The following FAM163B variants were observed in gnomAD, a reference collection of about 807,000 sequenced individuals.
The protein encoded by FAM163B is protein FAM163B.
FAM163B carries 4 observed loss-of-function variants against 7.6 expected under a neutral mutation model. That is an observed-to-expected ratio of 0.52 (90% CI 0.26 to 1.20). FAM163B has a LOEUF of 1.20. FAM163B is among the 50% of genes most tolerant of loss of function. The probability of loss-of-function intolerance (pLI) is 0.14; values close to 1 mark genes in which losing one functional copy is unlikely to be tolerated. For synonymous variants in FAM163B, 120 were observed against 111.6 expected (o/e 1.07, Z -0.47); for missense variants, 250 against 243.0 (o/e 1.03, Z -0.19).
chr9:133,600,110 T>C lies in FAM163B; in HGVS notation c.-24+8967A>G, dbSNP rs1831697749. Among the ~76,000 whole-genome samples, 1 of 150,074 alleles carries C rather than the reference T, an allele frequency of 6.7e-6. No homozygotes were observed. Among genetic ancestry groups the C allele is most frequent in the Non-Finnish European group, 1.5e-5 (1 of 67,626 alleles). On this transcript the variant is annotated intron_variant, in intron 1 of 2. Transcript: ENST00000673969. The surrounding 1 kb of genome is among the most constrained non-coding windows in gnomAD (Gnocchi z 4.9). ...GTGCATGTGTGCCTCTGAATGTGTG[T>C]GGTCTATGTGTATGTGTGTCTGTGT...
intron 1 of FAM163B, among the ~76,000 whole-genome samples, chr9:133,605,081 G>A (rs1831773600): frequency 6.6e-6 from 1 of 152,186 alleles, no homozygotes; most frequent in Admixed American, 6.5e-5. Context: ...GGTGCAGACC[G>A]AGGCCTGTGG....
intron 1 of FAM163B, among the ~76,000 whole-genome samples, chr9:133,588,349 C>T (rs1272655183): frequency 2.6e-5 from 4 of 152,166 alleles, no homozygotes; most frequent in East Asian, 1.9e-4. Context: ...AAGGCTACCA[C>T]GCTACTTAAG....
chr9:133,588,697 C>CTGCAGGATCTAGCTTTT (rs1831489446), intron 1 of FAM163B, among the ~76,000 whole-genome samples: 2 of 11,286 alleles, frequency 1.8e-4, no homozygotes, highest in Non-Finnish European at 4.4e-4. Context: ...ATCTAGCATG[C>CTGCAGGATCTAGCTTTT]TGAGGGATCT....
Position 133,601,800 on chromosome 9 carries a change from G to A in FAM163B, c.-24+7277C>T, listed in dbSNP as rs1831733228. On this transcript the variant is annotated intron_variant, in intron 1 of 2. Coordinates refer to ENST00000673969, the MANE Select transcript of FAM163B (RefSeq NM_001080515.3). This position sits in a 1 kb window ranked among gnomAD's most constrained non-coding sequence, Gnocchi z 4.1. ...AGCCATCTGACCACCATGGCGTCAG[G>A]GCGCGTCTCAGAAGGCTTGACTAAA... Among the ~76,000 whole-genome samples, 1 of 152,218 alleles carries A rather than the reference G, an allele frequency of 6.6e-6. No individual in the cohort carries two copies. The highest frequency in any genetic ancestry group is 1.5e-5 in the Non-Finnish European group (1 of 68,038).
Position 133,577,491 on chromosome 9 carries a change from A to T in FAM163B, c.*1531T>A, listed in dbSNP as rs934519282. Reference sequence around the variant, plus strand: ...TGTGACTTCGTCAGCCGTTCCCCCGACGCCTCTGGAAACTGGCCATTTCGT... The same window carrying T: ...TGTGACTTCGTCAGCCGTTCCCCCGTCGCCTCTGGAAACTGGCCATTTCGT... On this transcript the variant is annotated 3_prime_UTR_variant, in exon 3 of 3. Transcript: ENST00000673969. Among the ~76,000 whole-genome samples, 21 of 152,224 alleles carry T rather than the reference A, an allele frequency of 1.4e-4. No individual in the cohort carries two copies. The highest frequency in any genetic ancestry group is 5.1e-4 in the African/African-American group (21 of 41,468).
intron 1 of FAM163B, among the ~76,000 whole-genome samples, chr9:133,605,249 T>C (rs1564198813): frequency 6.6e-6 from 1 of 152,148 alleles, no homozygotes; most frequent in African/African-American, 2.4e-5. Context: ...TGATTGCCAT[T>C]TTATGAATGA....
chr9:133,579,358 C>A lies in FAM163B; in HGVS notation c.165G>T (p.Leu55=), dbSNP rs1448524136. ...GGTTGCGGTTGGAGTGCAGCGGGGG[C>A]AGGTGCGAGTGAACGGCGAAGTCTG... ...EEPDFAVHSH[L]PPLHSNRNLV... Residue 55 remains leucine, a synonymous_variant, in exon 3 of 3, where the codon CTG becomes CTT. Transcript: ENST00000673969. 2 of 1,612,960 alleles carry A rather than the reference C, an allele frequency of 1.2e-6. No individual in the cohort carries two copies. Among genetic ancestry groups the A allele is most frequent in the Non-Finnish European group, 8.5e-7 (1 of 1,179,750 alleles).
In FAM163B at chr9:133,579,077, A is replaced by G; in HGVS notation, c.446T>C (p.Leu149Pro). 6.3e-7 allele frequency: 1 copy of G among 1,593,152 alleles called. No homozygotes were observed. Among genetic ancestry groups the G allele is most frequent in the Non-Finnish European group, 8.5e-7 (1 of 1,172,326 alleles). The change falls in exon 3 of 3, where the codon CTC becomes CCC. Residue 149 changes from leucine to proline, a missense_variant. Coordinates refer to ENST00000673969, the MANE Select transcript of FAM163B (RefSeq NM_001080515.3). ...GGCGAAGGCCTCCCGCATGGCTGAG[A>G]GGCGGTTGGGGTTGAGCGCCTGCAG... ...GGLQALNPNRLSAMREAFARS... is the reference protein window; with the variant it reads ...GGLQALNPNRPSAMREAFARS...
chr9:133,597,235 T>C lies in FAM163B; in HGVS notation c.-24+11842A>G, dbSNP rs181720760. ...AAATAGTTATTAACTGTAGCTTATA[T>C]GTTCAAAACACCAGAGGAAAACTTG... On this transcript the variant is annotated intron_variant, in intron 1 of 2. Coordinates refer to ENST00000673969, the MANE Select transcript of FAM163B (RefSeq NM_001080515.3). Among the ~76,000 whole-genome samples the C allele has an allele frequency of 5.9e-5, 9 of 152,330 alleles. No homozygotes were observed. In the East Asian group the frequency reaches 1.5e-3, roughly 26 times the overall value.
rs1831300529 is a variant in FAM163B, at chr9:133,579,032, G to A, written c.491C>T (p.Thr164Ile). 1 of 1,549,030 alleles carries A rather than the reference G, an allele frequency of 6.5e-7. No individual in the cohort carries two copies. Among genetic ancestry groups the A allele is most frequent in the Non-Finnish European group, 8.7e-7 (1 of 1,149,114 alleles). ...GGGGGCGGGCCCAGGTCACACGTCG[G>A]TGCTGATGCTGCGGCTCCTGGCGAA... ...EAFARSRSIS[T>I]DV is the part of the protein sequence containing the mutation. The change falls in exon 3 of 3, where the codon ACC becomes ATC. Residue 164 changes from threonine (T) to isoleucine (I), a missense_variant. Thr to Ile is a moderately conservative substitution (Grantham distance 89). Coordinates refer to ENST00000673969, the MANE Select transcript of FAM163B (RefSeq NM_001080515.3).
At position 133,577,484 on chromosome 9, in the gene FAM163B, T is replaced by TC. The variant is rs1340250283; in HGVS notation, c.*1537dup. On this transcript the variant is annotated 3_prime_UTR_variant, in exon 3 of 3. Coordinates refer to ENST00000673969, the MANE Select transcript of FAM163B (RefSeq NM_001080515.3). ...TAACGATTGTGACTTCGTCAGCCGT[T>TC]CCCCCGACGCCTCTGGAAACTGGCC... 5.3e-5 allele frequency among the ~76,000 whole-genome samples: 8 copies of TC among 152,292 alleles called. No homozygotes were observed. Among genetic ancestry groups the TC allele is most frequent in the South Asian group, 2.1e-4 (1 of 4,826 alleles).
intron 1 of FAM163B, among the ~76,000 whole-genome samples, chr9:133,607,605 G>C (rs961201590): frequency 1.3e-5 from 2 of 152,162 alleles, no homozygotes; most frequent in Admixed American, 1.3e-4. Context: ...CAGATCCTTC[G>C]GGAGCCATTT....
intron 1 of FAM163B, among the ~76,000 whole-genome samples, chr9:133,602,328 T>G (rs1480844791): frequency 6.6e-5 from 10 of 152,204 alleles, no homozygotes; most frequent in Admixed American, 6.5e-4. Context: ...GTGCCTACGC[T>G]TACCAGCTGG....
chr9:133,580,071 G>A (rs1441964264), intron 2 of FAM163B, 60 bp downstream of exon 2: 18 of 1,454,630 alleles, frequency 1.2e-5, no homozygotes, highest in African/African-American at 6.9e-5. Flanking sequence ...GCTCCCTCCC[G>A]AGGTAGGGGC....
At chr9:133,580,107 C>A in intron 2 of FAM163B, 24 bp downstream of exon 2, 1 of 1,602,590 alleles carries the variant, frequency 6.2e-7, no homozygotes, top group Non-Finnish European at 8.5e-7. Flanking sequence ...CTGCCCTGTC[C>A]CCTTCCCCGC....
intron 1 of FAM163B, among the ~76,000 whole-genome samples, chr9:133,585,790 G>A (rs1297965221): frequency 6.6e-6 from 1 of 152,224 alleles, no homozygotes; most frequent in Non-Finnish European, 1.5e-5. Flanking sequence ...TCCAGATGGG[G>A]AAACCAAGGC....
chr9:133,579,164 C>T lies in FAM163B; in HGVS notation c.359G>A (p.Arg120His), dbSNP rs776624508. The T allele has an allele frequency of 3.5e-5, 56 of 1,610,520 alleles. No individual in the cohort carries two copies. The highest frequency in any genetic ancestry group is 1.5e-4 in the South Asian group (14 of 91,020). The change falls in exon 3 of 3, where the codon CGC (arginine) becomes CAC (histidine). Residue 120 changes from arginine to histidine, a missense_variant. Arg to His is a conservative substitution (Grantham distance 29). Transcript: ENST00000673969. The stretch of plus-strand genomic sequence containing the variant: ...CTGGCTCACGCTCTTGTAGAGCACG[C>T]GCTCCCCGCCGTTCAGCACGTCCTC... Reference protein sequence around the residue: ...EEEDVLNGGERVLYKSVSQED... With the variant: ...EEEDVLNGGEHVLYKSVSQED...
chr9:133,593,455 C>T (rs1831585392), intron 1 of FAM163B, among the ~76,000 whole-genome samples: 2 of 150,674 alleles, frequency 1.3e-5, no homozygotes, highest in Admixed American at 6.8e-5. Context: ...CATACACCTG[C>T]TCCCAGGCCC....
At chr9:133,585,060 C>T (rs1588323704) in intron 1 of FAM163B, among the ~76,000 whole-genome samples, 1 of 152,238 alleles carries the variant, frequency 6.6e-6, no homozygotes, top group East Asian at 1.9e-4. Flanking sequence ...TGTGCGTCCC[C>T]CACCCCAGTC....
Sources: allele counts gnomAD v4.1 joint callset (sites outside exome capture counted in the v4.1 genomes callset), GRCh38; gene constraint gnomAD v4.1.1; non-coding constraint Gnocchi (gnomAD v3.1); transcripts MANE v1.5; gene names NCBI Gene and HGNC (gene_info 2026-07-23, HGNC 2026-07-21).